GRIP1: variants seen among roughly 807,000 people sequenced by gnomAD.
GRIP1 encodes the protein glutamate receptor-interacting protein 1.
Under a neutral mutation model 129.9 loss-of-function variants are expected in GRIP1, and 45 were observed. The ratio of observed to expected loss-of-function variants is 0.35; its 90% confidence interval spans 0.27 to 0.44. The LOEUF is 0.44. GRIP1 is among the 20% of genes least tolerant of loss of function. The probability of loss-of-function intolerance (pLI) is 1.00; values close to 1 mark genes in which losing one functional copy is unlikely to be tolerated. For synonymous variants in GRIP1, 530 were observed against 520.8 expected, an observed-to-expected ratio of 1.02 and a Z score of -0.24; for missense variants, 1,196 against 1,396.8, an observed-to-expected ratio of 0.86 and a Z score of 2.29.
intron 1 of GRIP1, among the ~76,000 whole-genome samples, chr12:66,809,643 TA>T (rs1290534125): frequency 1.3e-5 from 2 of 151,910 alleles, no homozygotes; most frequent in African/African-American, 4.8e-5. Context: ...CATGAGCACA[TA>T]ATTTAAACAC....
chr12:66,542,179 T>G (rs2061803323), intron 2 of GRIP1, among the ~76,000 whole-genome samples: 1 of 76,628 alleles, frequency 1.3e-5, no homozygotes, highest in Admixed American at 1.3e-4. Flanking sequence ...TCACTCCAGG[T>G]TGACAATAGT....
Position 66,455,468 on chromosome 12 carries a change from G to T in GRIP1, c.1295C>A (p.Thr432Asn). 1 of 1,613,978 alleles carries T rather than the reference G, an allele frequency of 6.2e-7. No individual in the cohort carries two copies. Among genetic ancestry groups the T allele is most frequent in the Non-Finnish European group, 8.5e-7 (1 of 1,179,844 alleles). ...MGTLPRSLYS[T>N]SPRGTMMRRR... The stretch of plus-strand genomic sequence containing the variant: ...CCTCATCATGGTTCCACGTGGGCTG[G>T]TGGAGTAGAGGCTTCGAGGTAGAGT... The change falls in exon 11 of 25, where the codon ACC (threonine) becomes AAC (asparagine). Residue 432 changes from threonine (T) to asparagine (N), a missense_variant. This residue lies in a region of GRIP1 where 508 missense variants were observed against 587.0 expected (regional missense o/e 0.87). Transcript: ENST00000359742.
chr12:66,445,324 C>G lies in GRIP1; in HGVS notation c.1539G>C (p.Glu513Asp). 2 of 1,613,616 alleles carry G rather than the reference C, an allele frequency of 1.2e-6. No individual in the cohort carries two copies. Among genetic ancestry groups the G allele is most frequent in the Non-Finnish European group, 1.7e-6 (2 of 1,179,506 alleles). ...ISYIEADSPA[E>D]RCGVLQIGDR... Reference sequence around the variant, plus strand: ...TGCTGTGAAAGAAAGTGTCTCACCTCTCTGCTGGGCTGTCAGCTTCGATAT... The same window carrying G: ...TGCTGTGAAAGAAAGTGTCTCACCTGTCTGCTGGGCTGTCAGCTTCGATAT... The change falls in exon 12 of 25, where the codon GAG (glutamate) becomes GAC (aspartate). Residue 513 changes from glutamate to aspartate, a missense_variant and splice_region_variant. Physicochemically the swap from Glu to Asp is conservative, Grantham distance 45. Around this residue, in one of 5 missense-constraint regions of GRIP1, gnomAD observed 508 missense variants for 587.0 expected, o/e 0.87. Coordinates refer to ENST00000359742, the MANE Select transcript of GRIP1 (RefSeq NM_001366722.1).
At chr12:66,584,910 A>G (rs2139655893) in intron 2 of GRIP1, among the ~76,000 whole-genome samples, 1 of 151,966 alleles carries the variant, frequency 6.6e-6, no homozygotes, top group South Asian at 2.1e-4. Flanking sequence ...AAATAGAGCA[A>G]TCAGAAGATG....
chr12:66,849,452 T>G (rs2039873788), intron 1 of GRIP1, among the ~76,000 whole-genome samples: 1 of 152,136 alleles, frequency 6.6e-6, no homozygotes, highest in Admixed American at 6.6e-5. Context: ...TTCTGTTAGA[T>G]CTTAAAAATC....
chr12:66,548,834 T>C (rs1412846777), intron 2 of GRIP1, among the ~76,000 whole-genome samples: 1 of 152,120 alleles, frequency 6.6e-6, no homozygotes, highest in Non-Finnish European at 1.5e-5. Flanking sequence ...TCATATAAGA[T>C]AAATTTAACA....
At chr12:66,755,248 A>G (rs2037250867) in intron 1 of GRIP1, among the ~76,000 whole-genome samples, 1 of 152,202 alleles carries the variant, frequency 6.6e-6, no homozygotes, top group Admixed American at 6.5e-5. Context: ...TTTTTTAGAA[A>G]TGTGAAATCT....
At position 66,738,348 on chromosome 12, in the gene GRIP1, T is replaced by C. The variant is rs1035188274; in HGVS notation, c.-420+65705A>G. ...CATTCTCCTGCCTCAGCCTCCCAAG[T>C]AGCTGGGACCACAGGTACCCGCCAC... On this transcript the variant is annotated intron_variant, in intron 1 of 4. Coordinates refer to the GRIP1 transcript ENST00000538373. Among the ~76,000 whole-genome samples, 8 of 151,902 alleles carry C rather than the reference T, an allele frequency of 5.3e-5. No individual in the cohort carries two copies. The East Asian group carries it at 1.4e-3, about 26-fold the overall frequency.
chr12:66,503,877 G>A (rs1355893918), intron 7 of GRIP1, among the ~76,000 whole-genome samples: 1 of 152,218 alleles, frequency 6.6e-6, no homozygotes, highest in Non-Finnish European at 1.5e-5. Flanking sequence ...AGGTTAGAAA[G>A]AGAAGACTGT....
Position 66,946,894 on chromosome 12 carries a change from A to AT in GRIP1, c.58+122155dup, listed in dbSNP as rs974047816. On this transcript the variant is annotated intron_variant, in intron 1 of 1. Transcript: ENST00000643019. ...CTGTCTCTACTAAAAGTAAAAAAAAATTAGCCAGGCGTGGTGGTTGGCACC... is the reference window on the plus strand; with the variant it reads ...CTGTCTCTACTAAAAGTAAAAAAAAATTTAGCCAGGCGTGGTGGTTGGCACC... Among the ~76,000 whole-genome samples the AT allele has an allele frequency of 4.3e-4, 66 of 151,816 alleles. 1 individual carries two copies. Among genetic ancestry groups the AT allele is most frequent in the African/African-American group, 1.6e-3 (65 of 41,402 alleles).
At chr12:66,358,442 C>T (rs1034995369) in intron 23 of GRIP1, among the ~76,000 whole-genome samples, 1 of 152,040 alleles carries the variant, frequency 6.6e-6, no homozygotes, top group Non-Finnish European at 1.5e-5. Context: ...ATATTCTATT[C>T]TAGTCCTTTT....
chr12:66,638,322 T>C (rs1196758635), intron 1 of GRIP1, among the ~76,000 whole-genome samples: 1 of 152,214 alleles, frequency 6.6e-6, no homozygotes, highest in Non-Finnish European at 1.5e-5. Flanking sequence ...CATTTATCAC[T>C]TTATTTAATC....
chr12:66,875,373 G>C (rs959683975), intron 1 of GRIP1, among the ~76,000 whole-genome samples: 5 of 151,980 alleles, frequency 3.3e-5, no homozygotes, highest in African/African-American at 1.2e-4. Context: ...TTAAACAATT[G>C]GATGTTCTGC....
At chr12:66,386,476 T>C (rs1235360581) in intron 19 of GRIP1, among the ~76,000 whole-genome samples, 1 of 151,776 alleles carries the variant, frequency 6.6e-6, no homozygotes, top group African/African-American at 2.4e-5. Flanking sequence ...CTACTAAAAA[T>C]ACAAAAAATT....
At chr12:66,349,931 C>T (rs2054145935) in intron 24 of GRIP1, among the ~76,000 whole-genome samples, 2 of 152,190 alleles carry the variant, frequency 1.3e-5, no homozygotes, top group Admixed American at 1.3e-4. Flanking sequence ...CACCCACATG[C>T]CGGTTCTACT....
intron 2 of GRIP1, among the ~76,000 whole-genome samples, chr12:66,596,101 C>T (rs894131541): frequency 6.6e-6 from 1 of 152,148 alleles, no homozygotes; most frequent in Admixed American, 6.6e-5. Context: ...CGTTTAAATG[C>T]ATTAATGCTT....
intron 23 of GRIP1, among the ~76,000 whole-genome samples, chr12:66,358,633 G>C (rs148701928): frequency 0.011 from 1,640 of 152,174 alleles, 34 homozygotes; most frequent in African/African-American, 0.038. Context: ...AGTTTTAGCA[G>C]AGACAGGGTT....
rs1161123551 is a variant in GRIP1 at position 66,786,983 on chromosome 12, G to A, written c.-420+17070C>T. 4.6e-5 allele frequency among the ~76,000 whole-genome samples: 7 copies of A among 152,252 alleles called. No homozygotes were observed. In the East Asian group the frequency reaches 1.2e-3, roughly 25 times the overall value. On this transcript the variant is annotated intron_variant, in intron 1 of 4. Coordinates refer to the GRIP1 transcript ENST00000538373. ...AAAGTGGGGGTGCAGAGTGGGCGCT[G>A]GAGAGGAAGGAGAAGAAATCCAAAA...
chr12:67,053,904 C>T (rs1456936831), intron 1 of GRIP1, among the ~76,000 whole-genome samples: 1 of 151,612 alleles, frequency 6.6e-6, no homozygotes, highest in Non-Finnish European at 1.5e-5. Flanking sequence ...CATGTGGATC[C>T]TCAACAGAGG....
Sources: allele counts gnomAD v4.1 joint callset (sites outside exome capture counted in the v4.1 genomes callset), GRCh38; gene constraint gnomAD v4.1.1; regional missense constraint gnomAD v4.1.1; transcripts MANE v1.5; gene names NCBI Gene and HGNC (gene_info 2026-07-23, HGNC 2026-07-21).